NRXN1: variants seen among roughly 807,000 people sequenced by gnomAD.
NRXN1 encodes the protein neurexin-1.
A neutral mutation model predicts 150.9 loss-of-function variants in NRXN1; 39 were observed. That is an observed-to-expected ratio of 0.26 (90% confidence interval 0.20 to 0.34). The LOEUF (loss-of-function observed/expected upper bound fraction) is 0.34. Ranked by LOEUF, NRXN1 falls within the 10% of genes least tolerant of loss-of-function variation. The pLI is 1.00. For missense variants in NRXN1, 1,815 were observed against 1,949.9 expected (o/e 0.93, Z 1.30); for synonymous variants, 924 against 757.0 (o/e 1.22, Z -3.62).
chr2:49,922,237 C>A lies in NRXN1; in HGVS notation c.4231G>T (p.Ala1411Ser). 2.5e-6 allele frequency: 4 copies of A among 1,613,806 alleles called. No individual in the cohort carries two copies. Among genetic ancestry groups the A allele is most frequent in the Non-Finnish European group, 3.4e-6 (4 of 1,179,848 alleles). ...CCTGGATACGGCTCTCTGCCGCCTG[C>A]TCGGGTTGGGTTGGCTATAGAAAAG... ...SSGGLANPTR[A>S]GGREPYPGSA... The change falls in exon 23 of 23, where the codon GCA becomes TCA. Residue 1411 changes from alanine to serine, a missense_variant. Coordinates refer to ENST00000401669, the MANE Select transcript of NRXN1 (RefSeq NM_001330078.2).
At chr2:50,463,457 C>A (rs917052447) in intron 17 of NRXN1, among the ~76,000 whole-genome samples, 3 of 151,750 alleles carry the variant, frequency 2.0e-5, no homozygotes, top group Non-Finnish European at 4.4e-5. Context: ...TGCATGTATT[C>A]TGAGAGCTCT....
intron 8 of NRXN1, among the ~76,000 whole-genome samples, chr2:50,591,088 C>T (rs1368579559): frequency 2.0e-5 from 3 of 151,946 alleles, no homozygotes; most frequent in Non-Finnish European, 4.4e-5. Context: ...AAGAAAGTGC[C>T]CACAGCACTC....
intron 5 of NRXN1, among the ~76,000 whole-genome samples, chr2:50,675,910 T>C (rs570816485): frequency 2.0e-4 from 30 of 152,212 alleles, no homozygotes; most frequent in South Asian, 8.3e-4. Context: ...AAGAGTGAAT[T>C]AAGCAGCTTA....
intron 5 of NRXN1, among the ~76,000 whole-genome samples, chr2:50,875,261 C>T (rs146373544): frequency 1.4e-3 from 212 of 151,710 alleles, no homozygotes; most frequent in Non-Finnish European, 2.0e-3. Context: ...CATATAACTT[C>T]TTCACTGCAT....
At chr2:50,599,392 T>A (rs1675864640) in intron 8 of NRXN1, among the ~76,000 whole-genome samples, 1 of 152,176 alleles carries the variant, frequency 6.6e-6, no homozygotes, top group Non-Finnish European at 1.5e-5. Flanking sequence ...AATAAAGAAA[T>A]ATGTTTACCT....
intron 2 of NRXN1, among the ~76,000 whole-genome samples, chr2:51,004,557 C>A (rs956080386): frequency 6.6e-6 from 1 of 151,802 alleles, no homozygotes. Flanking sequence ...ACAGGAGAAT[C>A]GCTTGAACCT....
At chr2:50,789,830 G>A (rs935324801) in intron 5 of NRXN1, among the ~76,000 whole-genome samples, 1 of 152,126 alleles carries the variant, frequency 6.6e-6, no homozygotes, top group African/African-American at 2.4e-5. Context: ...GATGTTTAAT[G>A]CACAGAGTGA....
chr2:51,030,290 C>G (rs999197988), intron 1 of NRXN1, among the ~76,000 whole-genome samples: 2 of 152,088 alleles, frequency 1.3e-5, no homozygotes, highest in African/African-American at 4.8e-5. Context: ...TGCACACACA[C>G]ACCCCAAATT....
chr2:51,020,092 C>T (rs55653818), intron 2 of NRXN1, among the ~76,000 whole-genome samples: 11,332 of 151,308 alleles, frequency 0.075, 480 homozygotes, highest in South Asian at 0.12. Flanking sequence ...AGTTTACATA[C>T]AGTAAAGCAT....
intron 21 of NRXN1, among the ~76,000 whole-genome samples, chr2:50,020,781 A>T (rs1306330725): frequency 2.0e-5 from 3 of 152,162 alleles, no homozygotes; most frequent in African/African-American, 4.8e-5. Flanking sequence ...AAGTATTTTG[A>T]ATTTCTATAT....
chr2:50,296,144 G>A (rs540301994), intron 17 of NRXN1, among the ~76,000 whole-genome samples: 5 of 152,154 alleles, frequency 3.3e-5, no homozygotes, highest in East Asian at 1.9e-4. Context: ...TAGGTTTCAC[G>A]CCTACTTGAT....
chr2:50,182,579 GCTACACGTTGTTATTGGATTT>G (rs1234035924), intron 18 of NRXN1, among the ~76,000 whole-genome samples: 1 of 152,032 alleles, frequency 6.6e-6, no homozygotes, highest in Non-Finnish European at 1.5e-5. Context: ...ACCTCCTAAT[GCTACACGTTGTTATTGGATTT>G]CTGTTGTTTC....
At chr2:50,992,765 C>T (rs777326796) in intron 2 of NRXN1, among the ~76,000 whole-genome samples, 7 of 151,876 alleles carry the variant, frequency 4.6e-5, no homozygotes, top group Non-Finnish European at 8.8e-5. Context: ...GGCCTGGAAA[C>T]GATTCATGTT....
At chr2:50,762,241 A>C (rs934246224) in intron 5 of NRXN1, among the ~76,000 whole-genome samples, 4 of 151,824 alleles carry the variant, frequency 2.6e-5, no homozygotes, top group African/African-American at 7.2e-5. Context: ...TTCTGGACTC[A>C]AGTGATCCTC....
chr2:50,584,846 T>A (rs978211896), intron 8 of NRXN1, among the ~76,000 whole-genome samples: 1 of 152,164 alleles, frequency 6.6e-6, no homozygotes, highest in African/African-American at 2.4e-5. Flanking sequence ...GATGGAAATA[T>A]GAGAATCTCA....
chr2:50,024,548 G>T (rs974192505), intron 21 of NRXN1, among the ~76,000 whole-genome samples: 1 of 152,030 alleles, frequency 6.6e-6, no homozygotes, highest in African/African-American at 2.4e-5. Flanking sequence ...TGTGGCTAAA[G>T]AATTAAAGTT....
chr2:50,512,719 ATT>A, intron 12 of NRXN1, among the ~76,000 whole-genome samples: 1 of 152,146 alleles, frequency 6.6e-6, no homozygotes, highest in Admixed American at 6.6e-5. Flanking sequence ...GAGGGTAAAC[ATT>A]CTTTGACCTT....
chr2:50,259,557 C>T (rs946389520), intron 17 of NRXN1, among the ~76,000 whole-genome samples: 2 of 151,784 alleles, frequency 1.3e-5, no homozygotes, highest in African/African-American at 4.8e-5. Flanking sequence ...AAGAAGACAT[C>T]TTCAAATGAA....
chr2:50,744,058 T>G (rs1024059515), intron 5 of NRXN1, among the ~76,000 whole-genome samples: 1 of 152,130 alleles, frequency 6.6e-6, no homozygotes, highest in Admixed American at 6.6e-5. Context: ...TTCTTTCAAG[T>G]GTTATTTCTG....
Sources: allele counts gnomAD v4.1 joint callset (sites outside exome capture counted in the v4.1 genomes callset), GRCh38; gene constraint gnomAD v4.1.1; transcripts MANE v1.5; gene names NCBI Gene and HGNC (gene_info 2026-07-23, HGNC 2026-07-21).